SORL1: variants seen among roughly 807,000 people sequenced by gnomAD.
SORL1 encodes sortilin related receptor 1.
A neutral mutation model predicts 273.7 loss-of-function variants in SORL1; 127 were observed. The ratio of observed to expected loss-of-function variants is 0.46; its 90% CI spans 0.40 to 0.54. SORL1 has a LOEUF of 0.54. Ranked by LOEUF, SORL1 falls within the 20% of genes least tolerant of loss-of-function variation. SORL1 has a pLI of 0.00. For missense variants in SORL1, 2,494 were observed against 2,846.1 expected (o/e 0.88, Z 2.81); for synonymous variants, 1,031 against 1,067.4 (o/e 0.97, Z 0.66).
intron 6 of SORL1, among the ~76,000 whole-genome samples, chr11:121,502,163 TCTCA>T (rs1365988770): frequency 1.6e-5 from 2 of 122,486 alleles, no homozygotes; most frequent in Non-Finnish European, 3.2e-5. Flanking sequence ...TGAGATGGAG[TCTCA>T]CTCTGTCGCT....
chr11:121,497,147 G>A (rs1462869858), intron 6 of SORL1, 98 bp downstream of exon 6: 2 of 984,552 alleles, frequency 2.0e-6, no homozygotes, highest in Admixed American at 4.2e-5. Flanking sequence ...CACAGGAATT[G>A]GAAGGATGTG....
At chr11:121,466,474 C>T (rs183952312) in intron 1 of SORL1, among the ~76,000 whole-genome samples, 239 of 152,248 alleles carry the variant, frequency 1.6e-3, no homozygotes, top group African/African-American at 5.5e-3. Context: ...CTGGGGTCTG[C>T]CCTGGGCTGC....
At chr11:121,599,059 GA>G (rs1045760382) in intron 32 of SORL1, among the ~76,000 whole-genome samples, 19 of 151,964 alleles carry the variant, frequency 1.3e-4, no homozygotes, top group African/African-American at 4.4e-4. Flanking sequence ...TTTAGTTTAG[GA>G]AAATCATAAG....
chr11:121,551,820 C>T (rs1440132818), intron 16 of SORL1, among the ~76,000 whole-genome samples: 1 of 152,194 alleles, frequency 6.6e-6, no homozygotes, highest in African/African-American at 2.4e-5. Context: ...TAACATACCT[C>T]ACTATGGAGG....
In SORL1 at chr11:121,487,043, A is replaced by G. The variant is rs190874936; in HGVS notation, c.529-989A>G. On this transcript the variant is annotated intron_variant, in intron 3 of 47. Coordinates refer to ENST00000260197, the MANE Select transcript of SORL1 (RefSeq NM_003105.6). The stretch of plus-strand genomic sequence containing the variant: ...AAACCCACACTGCCCTAGACGTGGA[A>G]TATTCTTTCCCTGTGGGAGTCTCAC... 2.3e-3 allele frequency among the ~76,000 whole-genome samples: 352 copies of G among 152,258 alleles called. 2 individuals carry two copies. The highest frequency in any genetic ancestry group is 8.1e-3 in the African/African-American group (337 of 41,544).
chr11:121,472,448 A>AGGTC (rs1861186099), intron 2 of SORL1, among the ~76,000 whole-genome samples: 1 of 152,214 alleles, frequency 6.6e-6, no homozygotes, highest in South Asian at 2.1e-4. Context: ...GTCAGTGGGA[A>AGGTC]GGTCGGGGCT....
chr11:121,618,950 G>A, intron 42 of SORL1, 57 bp downstream of exon 42: 3 of 1,601,346 alleles, frequency 1.9e-6, no homozygotes, highest in Non-Finnish European at 2.6e-6. Flanking sequence ...CTGGGCTCTG[G>A]TCTCAACCCA....
intron 14 of SORL1, among the ~76,000 whole-genome samples, chr11:121,546,288 G>A (rs1047877043): frequency 6.6e-6 from 1 of 152,100 alleles, no homozygotes; most frequent in Admixed American, 6.6e-5. Context: ...GGCCTTCAGC[G>A]GCTTTTGAGG....
At chr11:121,558,278 GTATTC>G (rs1862621382) in intron 19 of SORL1, among the ~76,000 whole-genome samples, 1 of 152,146 alleles carries the variant, frequency 6.6e-6, no homozygotes, top group African/African-American at 2.4e-5. Flanking sequence ...AGGTTTCACA[GTATTC>G]TATTATATGT....
chr11:121,541,410 A>G (rs765131280), intron 12 of SORL1, among the ~76,000 whole-genome samples: 3 of 151,970 alleles, frequency 2.0e-5, no homozygotes, highest in Non-Finnish European at 4.4e-5. Flanking sequence ...GGTTCTCATT[A>G]TGTTTCTCAG....
At chr11:121,512,875 C>T in intron 6 of SORL1, 128 bp from the exon 7 acceptor site, 1 of 670,316 alleles carries the variant, frequency 1.5e-6, no homozygotes, top group Non-Finnish European at 2.6e-6. Context: ...CATGAATTTG[C>T]AATCACAGTC....
At chr11:121,505,279 GTT>G (rs1310153828) in intron 6 of SORL1, among the ~76,000 whole-genome samples, 2 of 151,808 alleles carry the variant, frequency 1.3e-5, no homozygotes, top group East Asian at 3.9e-4. Flanking sequence ...TTTCTGTGAG[GTT>G]GTTAATGATG....
At position 121,543,206 on chromosome 11, in the gene SORL1, A is replaced by G. The variant is rs917951606; in HGVS notation, c.1686-342A>G. Reference sequence around the variant, plus strand: ...ACTCCATCTCAAAAAAAAAGAAAAAAAAAAAGAAAAAAATTTCTCTTTTGC... The same window carrying G: ...ACTCCATCTCAAAAAAAAAGAAAAAGAAAAAGAAAAAAATTTCTCTTTTGC... On this transcript the variant is annotated intron_variant, in intron 12 of 47. Coordinates refer to ENST00000260197, the MANE Select transcript of SORL1 (RefSeq NM_003105.6). Among the ~76,000 whole-genome samples the G allele has an allele frequency of 8.5e-5, 13 of 152,092 alleles. No homozygotes were observed. The East Asian group carries it at 2.5e-3, about 29-fold the overall frequency.
chr11:121,588,083 C>A lies in SORL1; in HGVS notation c.3878C>A (p.Ser1293Tyr), dbSNP rs914918804. Reference protein sequence around the residue: ...CKNRQQCLFHSMVCDGIIQCR... With the variant: ...CKNRQQCLFHYMVCDGIIQCR... ...AACCGCCAGCAGTGCCTGTTCCACT[C>A]CATGGTCTGTGACGGAATCATCCAG... is the stretch of plus-strand genomic sequence containing the variant. The change falls in exon 28 of 48, where the codon TCC becomes TAC. Residue 1293 changes from serine to tyrosine, a missense_variant. Transcript: ENST00000260197. The A allele has an allele frequency of 5.6e-6, 9 of 1,613,836 alleles. No homozygotes were observed. The highest frequency in any genetic ancestry group is 1.3e-5 in the African/African-American group (1 of 74,910).
intron 3 of SORL1, among the ~76,000 whole-genome samples, chr11:121,482,698 A>G (rs886731140): frequency 1.3e-5 from 2 of 152,252 alleles, no homozygotes; most frequent in East Asian, 3.8e-4. Context: ...CGCTCTGCCT[A>G]GGCAAATCAC....
At chr11:121,617,808 C>T (rs1863662173) in intron 41 of SORL1, among the ~76,000 whole-genome samples, 1 of 152,214 alleles carries the variant, frequency 6.6e-6, no homozygotes, top group South Asian at 2.1e-4. Context: ...CCCTCAGTTT[C>T]CAACGTTTAC....
chr11:121,467,559 T>G (rs771096656), intron 1 of SORL1, among the ~76,000 whole-genome samples: 2 of 152,236 alleles, frequency 1.3e-5, no homozygotes, highest in East Asian at 3.9e-4. Context: ...TCTAGGTTCC[T>G]AGTCCTTTAT....
At chr11:121,618,947 C>G in intron 42 of SORL1, 54 bp downstream of exon 42, 9 of 1,603,318 alleles carry the variant, frequency 5.6e-6, no homozygotes, top group Non-Finnish European at 7.7e-6. Context: ...GTCCTGGGCT[C>G]TGGTCTCAAC....
In SORL1 at chr11:121,452,378, T is replaced by G; in HGVS notation, c.47T>G (p.Phe16Cys). The G allele has an allele frequency of 6.4e-7, 1 of 1,552,446 alleles. No homozygotes were observed. The highest frequency in any genetic ancestry group is 8.7e-7 in the Non-Finnish European group (1 of 1,153,868). ...SRRESRLPFL[F>C]TLVALLPPGA... ...AGGGAGTCGCGACTCCCGTTCCTATTCACCCTGGTCGCACTGCTGCCGCCC... is the reference window on the plus strand; with the variant it reads ...AGGGAGTCGCGACTCCCGTTCCTATGCACCCTGGTCGCACTGCTGCCGCCC... The change falls in exon 1 of 48, where the codon TTC (phenylalanine) becomes TGC (cysteine). Residue 16 changes from phenylalanine (F) to cysteine (C), a missense_variant. Phe to Cys is a radical substitution (Grantham distance 205). This residue lies in a region of SORL1 where 175 missense variants were observed against 147.1 expected (regional missense o/e 1.19). Coordinates refer to ENST00000260197, the MANE Select transcript of SORL1 (RefSeq NM_003105.6). The surrounding 1 kb of genome is among the most constrained non-coding windows in gnomAD (Gnocchi z 5.3).
Sources: gnomAD v4.1 joint callset for allele counts (sites outside exome capture counted in the v4.1 genomes callset) on GRCh38, gnomAD v4.1.1 for gene constraint, gnomAD v4.1.1 regional missense constraint, Gnocchi (gnomAD v3.1) non-coding constraint, MANE v1.5 for transcripts, NCBI Gene and HGNC (gene_info 2026-07-23, HGNC 2026-07-21) for gene names.